Variants in SLC12A8 observed in about 807,000 individuals in gnomAD.
SLC12A8 encodes the protein cation-chloride cotransporter 9.
SLC12A8 carries 69 observed loss-of-function variants against 75.6 expected under a neutral mutation model. The ratio of observed to expected loss-of-function variants is 0.91; its 90% confidence interval spans 0.75 to 1.11. The LOEUF (loss-of-function observed/expected upper bound fraction) is 1.11, where lower values mean the gene tolerates loss of function less well. Among genes scored for constraint, SLC12A8 ranks in the 50% most tolerant of loss-of-function variants. SLC12A8 has a pLI of 0.00. For missense variants in SLC12A8, 877 were observed against 896.7 expected (o/e 0.98, Z 0.28); for synonymous variants, 365 against 372.8 (o/e 0.98, Z 0.24).
chr3:125,204,300 C>T (rs1323261153), intron 2 of SLC12A8, among the ~76,000 whole-genome samples: 4 of 152,166 alleles, frequency 2.6e-5, no homozygotes, highest in African/African-American at 4.8e-5. Flanking sequence ...TATTGCAGCC[C>T]TATTCGCAAT....
intron 5 of SLC12A8, among the ~76,000 whole-genome samples, chr3:125,154,322 T>C (rs975309801): frequency 1.3e-5 from 2 of 152,158 alleles, no homozygotes; most frequent in African/African-American, 4.8e-5. Flanking sequence ...CTGGAAACAA[T>C]GTGAGCTTGA....
intron 10 of SLC12A8, 144 bp from the exon 11 acceptor site, chr3:125,092,342 G>T (rs1302210377): frequency 3.6e-6 from 2 of 549,918 alleles, no homozygotes; most frequent in African/African-American, 1.9e-5. Context: ...GCAGAAGGAA[G>T]AAAGAAGTGT....
intron 8 of SLC12A8, among the ~76,000 whole-genome samples, chr3:125,114,706 C>T (rs1939265320): frequency 6.6e-6 from 1 of 152,142 alleles, no homozygotes; most frequent in Admixed American, 6.5e-5. Flanking sequence ...GGATTACAGG[C>T]ATGAACCACC....
At chr3:125,201,512 T>A (rs185686778) in intron 2 of SLC12A8, among the ~76,000 whole-genome samples, 1 of 152,196 alleles carries the variant, frequency 6.6e-6, no homozygotes, top group Admixed American at 6.5e-5. Context: ...AGGTGGCTGA[T>A]ACCTGTAATC....
chr3:125,178,137 C>G (rs112439637), intron 4 of SLC12A8, among the ~76,000 whole-genome samples, 163 bp from the exon 5 acceptor site: 1 of 152,110 alleles, frequency 6.6e-6, no homozygotes, highest in Non-Finnish European at 1.5e-5. Flanking sequence ...CCTTCCCACC[C>G]GTGAACCTGC....
chr3:125,122,501 T>C (rs747911553), intron 6 of SLC12A8, among the ~76,000 whole-genome samples: 3 of 152,104 alleles, frequency 2.0e-5, no homozygotes, highest in Admixed American at 6.6e-5. Context: ...CCTAAGTAGA[T>C]GAAAGGTTCC....
intron 2 of SLC12A8, among the ~76,000 whole-genome samples, chr3:125,195,031 A>T (rs1934979622): frequency 1.3e-5 from 2 of 152,250 alleles, no homozygotes; most frequent in Admixed American, 1.3e-4. Context: ...ATGTGCAGCT[A>T]CATGCCTGCC....
intron 5 of SLC12A8, among the ~76,000 whole-genome samples, chr3:125,176,674 A>G (rs937037063): frequency 6.6e-5 from 10 of 152,142 alleles, no homozygotes; most frequent in African/African-American, 2.2e-4. Context: ...GGATATGAAC[A>G]GACACTTCTC....
chr3:125,181,606 T>TC (rs1934661961), intron 4 of SLC12A8, among the ~76,000 whole-genome samples: 2 of 24,222 alleles, frequency 8.3e-5, no homozygotes, highest in Admixed American at 5.9e-4. Flanking sequence ...AGACTCCGTC[T>TC]CAAAAAAAAA....
In SLC12A8 at chr3:125,177,843, T is replaced by C. The variant is rs776331212; in HGVS notation, c.522A>G (p.Ala174=). ...VLLALLGINL[A]GVKWIIRLQL... ...GGAGGCGGATTATCCATTTGACACC[T>C]GCGAGGTTAATGCCCAGCAAGGCCA... is the stretch of plus-strand genomic sequence containing the variant. Residue 174 remains alanine, a synonymous_variant, in exon 5 of 14, where the codon GCA becomes GCG. Coordinates refer to ENST00000469902, the MANE Select transcript of SLC12A8 (RefSeq NM_024628.6). 2.1e-5 allele frequency: 34 copies of C among 1,614,144 alleles called. No individual in the cohort carries two copies. The Middle Eastern group carries it at 6.6e-4, about 31-fold the overall frequency.
At chr3:125,209,272 C>A (rs1935290551) in intron 2 of SLC12A8, among the ~76,000 whole-genome samples, 1 of 152,210 alleles carries the variant, frequency 6.6e-6, no homozygotes, top group Admixed American at 6.5e-5. Flanking sequence ...AAGCTTGGGA[C>A]TTGGCATCAA....
chr3:125,198,474 A>C (rs949530065), intron 2 of SLC12A8, among the ~76,000 whole-genome samples: 1 of 152,088 alleles, frequency 6.6e-6, no homozygotes, highest in African/African-American at 2.4e-5. Flanking sequence ...CTCTACTAAA[A>C]ATACAAAAAT....
At chr3:125,208,791 C>CAGAGAGAGAGAG (rs1287670719) in intron 2 of SLC12A8, among the ~76,000 whole-genome samples, 13 of 84,228 alleles carry the variant, frequency 1.5e-4, no homozygotes, top group Non-Finnish European at 2.1e-4. Context: ...CACACACACA[C>CAGAGAGAGAGAG]AGAGAGAGAG....
At chr3:125,146,521 C>T (rs1288293932) in intron 5 of SLC12A8, among the ~76,000 whole-genome samples, 1 of 152,188 alleles carries the variant, frequency 6.6e-6, no homozygotes, top group Non-Finnish European at 1.5e-5. Context: ...TCCACAGCAC[C>T]CTCCCCAGGG....
At chr3:125,101,012 T>A (rs1475416025) in intron 10 of SLC12A8, among the ~76,000 whole-genome samples, 1 of 79,666 alleles carries the variant, frequency 1.3e-5, no homozygotes, top group Non-Finnish European at 2.2e-5. Context: ...AGAGCGAGAC[T>A]CCGTCTCAAA....
chr3:125,148,439 G>A (rs1198543061), intron 5 of SLC12A8, among the ~76,000 whole-genome samples: 2 of 152,198 alleles, frequency 1.3e-5, no homozygotes, highest in African/African-American at 2.4e-5. Context: ...GTTGGATTGC[G>A]AGCAGGCCTG....
At chr3:125,099,896 C>T (rs934149427) in intron 10 of SLC12A8, among the ~76,000 whole-genome samples, 2 of 152,108 alleles carry the variant, frequency 1.3e-5, no homozygotes, top group African/African-American at 4.8e-5. Context: ...CCATTGCACT[C>T]CAGCCTGGGC....
intron 8 of SLC12A8, among the ~76,000 whole-genome samples, chr3:125,113,939 GC>G (rs1222410473): frequency 6.6e-6 from 1 of 152,072 alleles, no homozygotes; most frequent in Non-Finnish European, 1.5e-5. Flanking sequence ...CATTTGCAAG[GC>G]GCTCATTCTG....
At chr3:125,153,580 G>T (rs2107773140) in intron 5 of SLC12A8, among the ~76,000 whole-genome samples, 1 of 152,316 alleles carries the variant, frequency 6.6e-6, no homozygotes, top group South Asian at 2.1e-4. Context: ...ACTAAGTTCT[G>T]CCCCTGGCTG....
Sources: allele counts gnomAD v4.1 joint callset (sites outside exome capture counted in the v4.1 genomes callset), GRCh38; gene constraint gnomAD v4.1.1; transcripts MANE v1.5; gene names NCBI Gene and HGNC (gene_info 2026-07-23, HGNC 2026-07-21).